COL22A1: variants seen among roughly 807,000 people sequenced by gnomAD.
The protein encoded by COL22A1 is collagen alpha-1(XXII) chain.
In COL22A1, 221 loss-of-function variants were observed where a neutral mutation model predicts 248.9. The observed-to-expected ratio is 0.89, with a 90% CI of 0.80 to 0.99. COL22A1 has a LOEUF of 0.99. COL22A1 is among the 50% of genes least tolerant of loss of function. The pLI is 0.00. For missense variants in COL22A1, 2,240 were observed against 2,179.0 expected (o/e 1.03, Z -0.56); for synonymous variants, 891 against 793.4 (o/e 1.12, Z -2.07).
chr8:138,867,473 C>A (rs1013474833), intron 3 of COL22A1, among the ~76,000 whole-genome samples: 1 of 152,116 alleles, frequency 6.6e-6, no homozygotes, highest in Non-Finnish European at 1.5e-5. Context: ...ACAGTAAAAA[C>A]CACAACTTGG....
chr8:138,776,696 C>A (rs1563749336), intron 15 of COL22A1, among the ~76,000 whole-genome samples: 1 of 152,226 alleles, frequency 6.6e-6, no homozygotes, highest in Non-Finnish European at 1.5e-5. Context: ...ATACTCAGCC[C>A]TGAACGCTGC....
intron 39 of COL22A1, among the ~76,000 whole-genome samples, chr8:138,679,925 C>A (rs1032779296): frequency 7.9e-5 from 12 of 152,124 alleles, no homozygotes; most frequent in African/African-American, 2.9e-4. Flanking sequence ...TCAGAGGAGG[C>A]AGCATGACAG....
chr8:138,807,648 A>G, intron 10 of COL22A1, 120 bp downstream of exon 10: 1 of 927,114 alleles, frequency 1.1e-6, no homozygotes, highest in Non-Finnish European at 1.7e-6. Flanking sequence ...TAATTTAACA[A>G]GCTCTGAGGC....
intron 27 of COL22A1, among the ~76,000 whole-genome samples, chr8:138,718,643 T>C (rs1204938437): frequency 6.6e-6 from 1 of 152,244 alleles, no homozygotes. Context: ...CTTCAGTTGA[T>C]GCTTTGTCAA....
chr8:138,803,353 G>C (rs544639082), intron 10 of COL22A1, among the ~76,000 whole-genome samples: 2 of 152,190 alleles, frequency 1.3e-5, no homozygotes, highest in Admixed American at 1.3e-4. Context: ...AGGCACATAA[G>C]ATTAAGAGCA....
At chr8:138,666,758 G>T (rs988488855) in intron 41 of COL22A1, among the ~76,000 whole-genome samples, 3 of 152,178 alleles carry the variant, frequency 2.0e-5, no homozygotes, top group African/African-American at 4.8e-5. Flanking sequence ...TTAAATCCCA[G>T]GATCCACTTT....
At chr8:138,743,235 T>C (rs532453342) in intron 22 of COL22A1, among the ~76,000 whole-genome samples, 1 of 151,802 alleles carries the variant, frequency 6.6e-6, no homozygotes, top group East Asian at 1.9e-4. Flanking sequence ...GTAGCGATTG[T>C]GATGGTGGAG....
In COL22A1 at chr8:138,750,244, G is replaced by A. The variant is rs546103826; in HGVS notation, c.2085+1214C>T. ...TCGGGTATGTGTTTATTAGCAGCGT[G>A]AGAACAGACTAATACAATCTCTCTC... On this transcript the variant is annotated intron_variant, in intron 22 of 64. Coordinates refer to ENST00000303045, the MANE Select transcript of COL22A1 (RefSeq NM_152888.3). Among the ~76,000 whole-genome samples, 23 of 152,288 alleles carry A rather than the reference G, an allele frequency of 1.5e-4. No individual in the cohort carries two copies. In the South Asian group the frequency reaches 3.9e-3, roughly 26 times the overall value.
intron 11 of COL22A1, among the ~76,000 whole-genome samples, chr8:138,799,183 T>C (rs1426331855): frequency 1.3e-5 from 2 of 152,342 alleles, no homozygotes; most frequent in East Asian, 3.9e-4. Context: ...TAACTCTTTA[T>C]TGATATTCTG....
rs1184292122 is a variant in COL22A1, at chr8:138,881,649, C to A, written c.91+1433G>T. Among the ~76,000 whole-genome samples, 5 of 152,340 alleles carry A rather than the reference C, an allele frequency of 3.3e-5. No homozygotes were observed. The South Asian group carries it at 8.3e-4, about 25-fold the overall frequency. On this transcript the variant is annotated intron_variant, in intron 2 of 64. Coordinates refer to ENST00000303045, the MANE Select transcript of COL22A1 (RefSeq NM_152888.3). ...GCAGTGAGCCGAGATCACGCCGCTGCACTCCAGCCTGGGCGACAGAGCGAG... is the reference window on the plus strand; with the variant it reads ...GCAGTGAGCCGAGATCACGCCGCTGAACTCCAGCCTGGGCGACAGAGCGAG...
chr8:138,699,867 T>C (rs899556305), intron 32 of COL22A1, among the ~76,000 whole-genome samples: 4 of 152,272 alleles, frequency 2.6e-5, no homozygotes, highest in Admixed American at 6.5e-5. Context: ...TGCCTGGCCT[T>C]TGCTCTTAGC....
At chr8:138,856,065 G>T (rs370586963) in intron 3 of COL22A1, among the ~76,000 whole-genome samples, 7 of 152,190 alleles carry the variant, frequency 4.6e-5, no homozygotes, top group African/African-American at 1.7e-4. Flanking sequence ...CAGAAAAAGG[G>T]GCCGTGCCTA....
chr8:138,754,445 C>A (rs903387663), intron 21 of COL22A1, among the ~76,000 whole-genome samples: 1 of 152,130 alleles, frequency 6.6e-6, no homozygotes, highest in African/African-American at 2.4e-5. Flanking sequence ...AAAGAGTGGG[C>A]CTCAATAGCT....
chr8:138,832,889 G>A (rs112995035), intron 5 of COL22A1, 150 bp downstream of exon 5: 1 of 596,922 alleles, frequency 1.7e-6, no homozygotes, highest in African/African-American at 1.9e-5. Flanking sequence ...TGGTCCAGTG[G>A]TTCAGCTGCT....
chr8:138,616,776 G>T (rs1326955366), intron 54 of COL22A1, 138 bp downstream of exon 54: 1 of 924,900 alleles, frequency 1.1e-6, no homozygotes, highest in African/African-American at 1.6e-5. Flanking sequence ...CCCTGTGCTG[G>T]CTTGCTCCAT....
chr8:138,750,388 C>A (rs1007986541), intron 22 of COL22A1, among the ~76,000 whole-genome samples: 1 of 152,126 alleles, frequency 6.6e-6, no homozygotes, highest in African/African-American at 2.4e-5. Context: ...AACCAAAGAT[C>A]GAAGTTAACC....
intron 30 of COL22A1, among the ~76,000 whole-genome samples, chr8:138,709,854 T>C (rs532619560): frequency 6.6e-6 from 1 of 152,314 alleles, no homozygotes; most frequent in South Asian, 2.1e-4. Flanking sequence ...TTTCCTCTGA[T>C]TGCAATCATA....
chr8:138,612,710 T>A (rs1818961026), intron 56 of COL22A1, among the ~76,000 whole-genome samples: 1 of 151,766 alleles, frequency 6.6e-6, no homozygotes, highest in South Asian at 2.1e-4. Flanking sequence ...GCAGATCACT[T>A]GAGGTCAGGA....
At chr8:138,892,271 C>T (rs953398633) in intron 1 of COL22A1, among the ~76,000 whole-genome samples, 1 of 152,116 alleles carries the variant, frequency 6.6e-6, no homozygotes, top group African/African-American at 2.4e-5. Flanking sequence ...GTGAGGAAGC[C>T]CTGGTATGGA....
Sources: gnomAD v4.1 joint callset for allele counts (sites outside exome capture counted in the v4.1 genomes callset) on GRCh38, gnomAD v4.1.1 for gene constraint, MANE v1.5 for transcripts, NCBI Gene and HGNC (gene_info 2026-07-23, HGNC 2026-07-21) for gene names.